Variants in CNTN5 observed in about 807,000 individuals in gnomAD.
CNTN5 encodes contactin 5.
In CNTN5, 77 loss-of-function variants were observed where a neutral mutation model predicts 129.1. That is an observed-to-expected ratio of 0.60 (90% CI 0.50 to 0.72). CNTN5 has a LOEUF of 0.72. Ranked by LOEUF, CNTN5 falls within the 30% of genes least tolerant of loss-of-function variation. CNTN5 has a pLI of 0.00. For missense variants in CNTN5, 1,478 were observed against 1,328.8 expected, an observed-to-expected ratio of 1.11 and a Z score of -1.75; for synonymous variants, 509 against 465.6, an observed-to-expected ratio of 1.09 and a Z score of -1.20.
At chr11:99,208,843 T>C (rs1285918572) in intron 1 of CNTN5, among the ~76,000 whole-genome samples, 2 of 151,966 alleles carry the variant, frequency 1.3e-5, no homozygotes, top group East Asian at 3.9e-4. Context: ...TGCAAGGAGG[T>C]TACTGGAAGA....
At chr11:99,886,395 GTA>G (rs1565639268) in intron 6 of CNTN5, among the ~76,000 whole-genome samples, 1 of 151,996 alleles carries the variant, frequency 6.6e-6, no homozygotes, top group Non-Finnish European at 1.5e-5. Context: ...ATATTAATAG[GTA>G]TTTACCTAAG....
intron 10 of CNTN5, among the ~76,000 whole-genome samples, chr11:100,065,554 G>A (rs1327264095): frequency 6.6e-6 from 1 of 151,854 alleles, no homozygotes; most frequent in Non-Finnish European, 1.5e-5. Context: ...CCATTTGACA[G>A]ACAAGAAACT....
intron 7 of CNTN5, among the ~76,000 whole-genome samples, chr11:99,925,197 T>A (rs1368456059): frequency 6.6e-6 from 1 of 152,198 alleles, no homozygotes; most frequent in African/African-American, 2.4e-5. Flanking sequence ...ACTAGTGTTG[T>A]ATGTACATTG....
At chr11:99,310,603 C>G (rs1447812851) in intron 1 of CNTN5, among the ~76,000 whole-genome samples, 1 of 152,004 alleles carries the variant, frequency 6.6e-6, no homozygotes, top group East Asian at 1.9e-4. Context: ...ATAAATACGC[C>G]TATAAGCCAC....
chr11:100,092,724 A>G (rs968289673), intron 13 of CNTN5, among the ~76,000 whole-genome samples: 1 of 152,124 alleles, frequency 6.6e-6, no homozygotes, highest in African/African-American at 2.4e-5. Flanking sequence ...CCATACTGAG[A>G]TCAATGCTTA....
intron 1 of CNTN5, among the ~76,000 whole-genome samples, chr11:99,139,197 G>C (rs1212170302): frequency 1.3e-5 from 2 of 151,896 alleles, no homozygotes; most frequent in Non-Finnish European, 2.9e-5. Context: ...AGCCTGGGAG[G>C]TGGAGATTGC....
chr11:100,346,335 A>C (rs1952278681), intron 23 of CNTN5, among the ~76,000 whole-genome samples: 1 of 152,158 alleles, frequency 6.6e-6, no homozygotes, highest in South Asian at 2.1e-4. Context: ...CATAATTTTT[A>C]ATGATCTCAA....
At chr11:99,856,284 T>C (rs1420299169) in intron 6 of CNTN5, among the ~76,000 whole-genome samples, 1 of 152,196 alleles carries the variant, frequency 6.6e-6, no homozygotes, top group East Asian at 1.9e-4. Flanking sequence ...TTTTTTAAAG[T>C]TCAAGTCCTC....
intron 3 of CNTN5, among the ~76,000 whole-genome samples, chr11:99,766,949 A>G (rs7942898): frequency 0.076 from 11,482 of 151,990 alleles, 756 homozygotes; most frequent in African/African-American, 0.18. Context: ...TAATCTTCAG[A>G]TATTTGCTTA....
intron 3 of CNTN5, among the ~76,000 whole-genome samples, chr11:99,760,700 T>C (rs2135275394): frequency 6.6e-6 from 1 of 152,216 alleles, no homozygotes; most frequent in Non-Finnish European, 1.5e-5. Flanking sequence ...TCTCTTAAAG[T>C]AATATAATTA....
intron 6 of CNTN5, among the ~76,000 whole-genome samples, chr11:99,859,386 G>T (rs556120402): frequency 6.6e-6 from 1 of 152,208 alleles, no homozygotes; most frequent in Non-Finnish European, 1.5e-5. Flanking sequence ...TAGATTCAGT[G>T]GTTTATGTGC....
At chr11:99,139,693 G>T (rs1859420032) in intron 1 of CNTN5, among the ~76,000 whole-genome samples, 1 of 152,024 alleles carries the variant, frequency 6.6e-6, no homozygotes, top group Non-Finnish European at 1.5e-5. Flanking sequence ...AAGTACCTTG[G>T]AGAAGTTTAT....
At chr11:99,024,042 G>C (rs868680056) in intron 1 of CNTN5, among the ~76,000 whole-genome samples, 1 of 152,180 alleles carries the variant, frequency 6.6e-6, no homozygotes, top group Non-Finnish European at 1.5e-5. Flanking sequence ...GAAGCTCAAA[G>C]CGGTAGAATC....
intron 16 of CNTN5, among the ~76,000 whole-genome samples, chr11:100,234,091 G>A (rs769764164): frequency 7.9e-5 from 12 of 152,246 alleles, no homozygotes; most frequent in Middle Eastern, 3.4e-3. Flanking sequence ...AAACCACAAT[G>A]AGATACCATC....
intron 2 of CNTN5, among the ~76,000 whole-genome samples, chr11:99,390,943 A>G (rs1417881999): frequency 1.3e-5 from 2 of 152,016 alleles, no homozygotes; most frequent in East Asian, 3.8e-4. Flanking sequence ...TAATGTTTTT[A>G]TTATAGTTTC....
At chr11:100,179,557 T>C (rs112391086) in intron 13 of CNTN5, among the ~76,000 whole-genome samples, 9 of 152,100 alleles carry the variant, frequency 5.9e-5, no homozygotes, top group Non-Finnish European at 1.0e-4. Context: ...TTCAACCAAA[T>C]AGAAATAAGA....
At chr11:99,473,148 T>C (rs763819318) in intron 2 of CNTN5, among the ~76,000 whole-genome samples, 1 of 152,172 alleles carries the variant, frequency 6.6e-6, no homozygotes, top group East Asian at 1.9e-4. Flanking sequence ...GAATGAATTA[T>C]TTTTCTCATG....
intron 8 of CNTN5, among the ~76,000 whole-genome samples, chr11:99,990,401 A>C (rs1401803475): frequency 6.6e-6 from 1 of 151,062 alleles, no homozygotes; most frequent in African/African-American, 2.5e-5. Flanking sequence ...TTCCAAAAAA[A>C]AATATTTTTA....
chr11:99,721,462 C>G (rs1943170350), intron 3 of CNTN5, among the ~76,000 whole-genome samples: 1 of 152,104 alleles, frequency 6.6e-6, no homozygotes, highest in African/African-American at 2.4e-5. Context: ...CCCTTCCTTA[C>G]ACCATATACA....
Sources: allele counts gnomAD v4.1 joint callset (sites outside exome capture counted in the v4.1 genomes callset), GRCh38; gene constraint gnomAD v4.1.1; transcripts MANE v1.5; gene names NCBI Gene and HGNC (gene_info 2026-07-23, HGNC 2026-07-21).